XRCC5: variants seen among roughly 807,000 people sequenced by gnomAD.
The protein encoded by XRCC5 is DNA repair protein Ku80.
A neutral mutation model predicts 95.7 loss-of-function variants in XRCC5; 12 were observed. The ratio of observed to expected loss-of-function variants is 0.13; its 90% CI spans 0.08 to 0.20. XRCC5 has a LOEUF of 0.20. XRCC5 is among the 10% of genes least tolerant of loss of function. The probability of loss-of-function intolerance (pLI) is 1.00; values close to 1 mark genes in which losing one functional copy is unlikely to be tolerated. For missense variants in XRCC5, 595 were observed against 873.9 expected, an observed-to-expected ratio of 0.68 and a Z score of 4.02; for synonymous variants, 281 against 290.3, an observed-to-expected ratio of 0.97 and a Z score of 0.33.
Position 216,115,810 on chromosome 2 carries a change from A to ATT in XRCC5, c.136-840_136-839dup, listed in dbSNP as rs55691905. ...AATCCTAATGTTTCATATTTGTTTG[A>ATT]TTTTTTTTTTAATAAAGTGTTACAG... On this transcript the variant is annotated intron_variant, in intron 2 of 20. Transcript: ENST00000392132. 4.8e-4 allele frequency among the ~76,000 whole-genome samples: 72 copies of ATT among 150,206 alleles called. 1 individual carries two copies. Among genetic ancestry groups the ATT allele is most frequent in the African/African-American group, 1.1e-3 (46 of 40,796 alleles).
At chr2:216,167,446 A>G (rs41301732) in intron 16 of XRCC5, among the ~76,000 whole-genome samples, 1,612 of 152,242 alleles carry the variant, frequency 0.011, 23 homozygotes, top group African/African-American at 0.037. Flanking sequence ...GTATAGCACT[A>G]TCCCATTTGC....
chr2:216,190,708 T>G (rs1312809322), intron 17 of XRCC5, among the ~76,000 whole-genome samples: 3 of 152,204 alleles, frequency 2.0e-5, no homozygotes, highest in Non-Finnish European at 4.4e-5. Flanking sequence ...TATATATTGG[T>G]ATAATTATTG....
Position 216,167,524 on chromosome 2 carries a change from G to A in XRCC5, c.1834+5476G>A, listed in dbSNP as rs188116201. Among the ~76,000 whole-genome samples the A allele has an allele frequency of 4.2e-3, 635 of 151,376 alleles. 4 individuals are homozygous for A. The highest frequency in any genetic ancestry group is 7.0e-3 in the Admixed American group (106 of 15,158). On this transcript the variant is annotated intron_variant, in intron 16 of 20. Transcript: ENST00000392132. ...GTCAAGCCCTAAACAGTGAACCTTCGAGAATTGTGATCTAGCAGAAATCTC... is the reference window on the plus strand; with the variant it reads ...GTCAAGCCCTAAACAGTGAACCTTCAAGAATTGTGATCTAGCAGAAATCTC...
At chr2:216,116,086 TATG>T (rs1391401062) in intron 2 of XRCC5, among the ~76,000 whole-genome samples, 4 of 152,346 alleles carry the variant, frequency 2.6e-5, no homozygotes, top group Admixed American at 6.5e-5. Flanking sequence ...TTTACTGGAG[TATG>T]ATATTTCGTT....
chr2:216,109,485 T>A, intron 1 of XRCC5, 28 bp downstream of exon 1: 1 of 1,613,380 alleles, frequency 6.2e-7, no homozygotes. Context: ...GACTTGGGCT[T>A]TACCCGGACT....
chr2:216,115,185 C>G (rs568024144), intron 2 of XRCC5, among the ~76,000 whole-genome samples: 2 of 152,040 alleles, frequency 1.3e-5, no homozygotes, highest in Non-Finnish European at 2.9e-5. Context: ...TTGTTTACTT[C>G]GAGAAGACCA....
chr2:216,193,290 T>C (rs1308384822), intron 18 of XRCC5, among the ~76,000 whole-genome samples: 1 of 152,248 alleles, frequency 6.6e-6, no homozygotes, highest in East Asian at 1.9e-4. Context: ...AGGCTTGATC[T>C]TTGCTTTTTT....
At chr2:216,152,378 T>C (rs762843399) in intron 14 of XRCC5, among the ~76,000 whole-genome samples, 1 of 151,904 alleles carries the variant, frequency 6.6e-6, no homozygotes, top group South Asian at 2.1e-4. Flanking sequence ...AGGCGGAGGT[T>C]TGCAGTGGGC....
At chr2:216,113,215 T>C (rs1024718539) in intron 2 of XRCC5, 86 bp downstream of exon 2, 2 of 1,144,322 alleles carry the variant, frequency 1.7e-6, no homozygotes, top group Admixed American at 3.8e-5. Flanking sequence ...CCAGCCTCCT[T>C]ATAGTGTCCA....
At chr2:216,159,188 T>G (rs1316477830) in intron 14 of XRCC5, among the ~76,000 whole-genome samples, 2 of 152,234 alleles carry the variant, frequency 1.3e-5, no homozygotes, top group Non-Finnish European at 2.9e-5. Flanking sequence ...CTCTTATCAT[T>G]TAGCCATTTC....
intron 19 of XRCC5, among the ~76,000 whole-genome samples, chr2:216,203,582 A>G (rs1298651038): frequency 6.6e-6 from 1 of 152,232 alleles, no homozygotes; most frequent in Admixed American, 6.5e-5. Context: ...CTAGATCCTC[A>G]CAGACTTCAC....
chr2:216,125,348 C>G (rs985065370), intron 6 of XRCC5, among the ~76,000 whole-genome samples: 1 of 152,046 alleles, frequency 6.6e-6, no homozygotes, highest in African/African-American at 2.4e-5. Context: ...CAGCCATGCG[C>G]CACCACACCT....
chr2:216,189,109 C>G (rs915984741), intron 16 of XRCC5, among the ~76,000 whole-genome samples: 1 of 152,174 alleles, frequency 6.6e-6, no homozygotes, highest in African/African-American at 2.4e-5. Context: ...ATAAGGAAGG[C>G]ATTGAGTAAT....
At chr2:216,128,176 T>A (rs897722829) in intron 8 of XRCC5, among the ~76,000 whole-genome samples, 1 of 152,212 alleles carries the variant, frequency 6.6e-6, no homozygotes, top group Non-Finnish European at 1.5e-5. Flanking sequence ...CCCATTTGGA[T>A]TGAATAGTGT....
rs41299792 is a variant in XRCC5 at position 216,128,735 on chromosome 2, C to T, written c.937+1061C>T. Among the ~76,000 whole-genome samples, 520 of 152,316 alleles carry T rather than the reference C, an allele frequency of 3.4e-3. 3 individuals carry two copies. The highest frequency in any genetic ancestry group is 0.012 in the African/African-American group (491 of 41,570). ...CTTGGGTTGGTGTATTGAGCATATACAGGTTAGTACTTGAGGGTAACATCT... is the reference window on the plus strand; with the variant it reads ...CTTGGGTTGGTGTATTGAGCATATATAGGTTAGTACTTGAGGGTAACATCT... On this transcript the variant is annotated intron_variant, in intron 8 of 20. Coordinates refer to ENST00000392132, the MANE Select transcript of XRCC5 (RefSeq NM_021141.4).
chr2:216,201,200 A>G (rs980750822), intron 19 of XRCC5, among the ~76,000 whole-genome samples: 1 of 152,216 alleles, frequency 6.6e-6, no homozygotes, highest in African/African-American at 2.4e-5. Context: ...GTTAGTGTTT[A>G]TAGCATCCAT....
At position 216,141,540 on chromosome 2, in the gene XRCC5, C is replaced by CTTT. The variant is rs71401137; in HGVS notation, c.1476+245_1476+247dup. ...AAAGTTGGAATGCTTTCTTTCTTTT[C>CTTT]TTTTTTTTTTTTTTTTTTTTTTTTT... On this transcript the variant is annotated intron_variant, in intron 13 of 20. Transcript: ENST00000392132. 4.9e-4 allele frequency among the ~76,000 whole-genome samples: 32 copies of CTTT among 64,972 alleles called. 3 individuals carry two copies. Among genetic ancestry groups the CTTT allele is most frequent in the African/African-American group, 1.9e-3 (26 of 13,502 alleles). The allele number at this position is 64,972 out of a possible 152,430, so 42.6% of individuals were successfully genotyped here.
At chr2:216,192,301 A>G (rs1220740896) in intron 17 of XRCC5, among the ~76,000 whole-genome samples, 2 of 152,256 alleles carry the variant, frequency 1.3e-5, no homozygotes, top group South Asian at 2.1e-4. Context: ...GCCTGAGTTG[A>G]TAATTATTGA....
chr2:216,158,058 C>T (rs972388529), intron 14 of XRCC5, among the ~76,000 whole-genome samples: 26 of 152,240 alleles, frequency 1.7e-4, no homozygotes, highest in South Asian at 1.0e-3. Context: ...TTGCCTGGTA[C>T]GGGAAAATTG....
Sources: allele counts gnomAD v4.1 joint callset (sites outside exome capture counted in the v4.1 genomes callset), GRCh38; gene constraint gnomAD v4.1.1; transcripts MANE v1.5; gene names NCBI Gene and HGNC (gene_info 2026-07-23, HGNC 2026-07-21).